The following ATG10 variants were observed in gnomAD, a reference collection of about 807,000 sequenced individuals.
ATG10 encodes the protein ubiquitin-like-conjugating enzyme ATG10.
A neutral mutation model predicts 32.1 loss-of-function variants in ATG10; 30 were observed. The ratio of observed to expected loss-of-function variants is 0.94; its 90% CI spans 0.70 to 1.27. The LOEUF (loss-of-function observed/expected upper bound fraction) is 1.27. Ranked by LOEUF, ATG10 falls within the 50% of genes most tolerant of loss-of-function variation. The pLI, the probability that ATG10 is intolerant of heterozygous loss-of-function variation, is 0.00. For missense variants in ATG10, 233 were observed against 262.3 expected, an observed-to-expected ratio of 0.89 and a Z score of 0.77; for synonymous variants, 87 against 91.5, an observed-to-expected ratio of 0.95 and a Z score of 0.28.
chr5:82,009,818 A>G, intron 2 of ATG10: 1 of 1,605,838 alleles, frequency 6.2e-7, no homozygotes, highest in Non-Finnish European at 8.5e-7. Context: ...CAGGACCTGT[A>G]TGCTTTAGGA....
intron 2 of ATG10, among the ~76,000 whole-genome samples, chr5:82,051,994 C>T (rs771589617): frequency 6.6e-6 from 1 of 152,102 alleles, no homozygotes; most frequent in Non-Finnish European, 1.5e-5. Flanking sequence ...GATCTGTGGC[C>T]TAGGTTTGAC....
chr5:82,088,591 T>C (rs1350154886), intron 3 of ATG10, among the ~76,000 whole-genome samples: 1 of 152,184 alleles, frequency 6.6e-6, no homozygotes, highest in Admixed American at 6.5e-5. Flanking sequence ...TAGGTGAGTC[T>C]CTTACCTCAT....
At chr5:82,049,473 C>T (rs919448532) in intron 2 of ATG10, among the ~76,000 whole-genome samples, 9 of 151,538 alleles carry the variant, frequency 5.9e-5, no homozygotes, top group Admixed American at 2.0e-4. Context: ...GTGGGTGCAG[C>T]GCACCAGCAT....
At chr5:82,087,390 A>G (rs2149789357) in intron 3 of ATG10, among the ~76,000 whole-genome samples, 1 of 152,260 alleles carries the variant, frequency 6.6e-6, no homozygotes, top group Non-Finnish European at 1.5e-5. Context: ...TAGGGGAATT[A>G]TTATTAATTG....
At chr5:81,999,775 A>G (rs770212287) in intron 2 of ATG10, among the ~76,000 whole-genome samples, 1 of 152,198 alleles carries the variant, frequency 6.6e-6, no homozygotes, top group African/African-American at 2.4e-5. Context: ...CACACAAGCT[A>G]GAAACCCTGC....
At chr5:82,246,070 C>T (rs1430795207) in intron 5 of ATG10, among the ~76,000 whole-genome samples, 3 of 119,322 alleles carry the variant, frequency 2.5e-5, no homozygotes, top group Admixed American at 1.1e-4. Flanking sequence ...TTAATACTGA[C>T]CTTTTTTTTT....
intron 2 of ATG10, among the ~76,000 whole-genome samples, chr5:82,004,912 C>G (rs1454930349): frequency 6.6e-6 from 1 of 152,170 alleles, no homozygotes; most frequent in Non-Finnish European, 1.5e-5. Flanking sequence ...ATTGAAAAAT[C>G]ACACTTGAGT....
intron 5 of ATG10, chr5:82,242,880 ATGGT>A: frequency 2.2e-6 from 1 of 446,722 alleles, no homozygotes; most frequent in Admixed American, 2.5e-5. Flanking sequence ...ATAGGGAAAA[ATGGT>A]AAGCAAAAAG....
At chr5:82,075,956 C>A (rs1047952258) in intron 3 of ATG10, among the ~76,000 whole-genome samples, 3 of 152,066 alleles carry the variant, frequency 2.0e-5, no homozygotes, top group African/African-American at 2.4e-5. Flanking sequence ...ACAACAACAA[C>A]AACAAAACAA....
At chr5:81,990,763 G>A (rs1378461703) in intron 2 of ATG10, among the ~76,000 whole-genome samples, 1 of 152,154 alleles carries the variant, frequency 6.6e-6, no homozygotes, top group Non-Finnish European at 1.5e-5. Context: ...AGATCAATAG[G>A]AAGACTGAGT....
chr5:82,032,932 A>G (rs1762784565), intron 2 of ATG10, among the ~76,000 whole-genome samples: 1 of 152,186 alleles, frequency 6.6e-6, no homozygotes, highest in Admixed American at 6.5e-5. Context: ...CGAAATTTAT[A>G]TGCCAGGAAA....
At chr5:81,993,380 T>TCC (rs1761547337) in intron 2 of ATG10, among the ~76,000 whole-genome samples, 1 of 81,920 alleles carries the variant, frequency 1.2e-5, no homozygotes, top group African/African-American at 5.8e-5. Context: ...TTTCTTTTCT[T>TCC]TTCTTTTCTT....
intron 5 of ATG10, among the ~76,000 whole-genome samples, chr5:82,192,291 A>G (rs1305568347): frequency 6.6e-6 from 1 of 152,218 alleles, no homozygotes; most frequent in Non-Finnish European, 1.5e-5. Flanking sequence ...TCAGTTCTGC[A>G]GGATTGCTTC....
chr5:82,090,817 A>C (rs1293953774), intron 3 of ATG10, among the ~76,000 whole-genome samples: 2 of 152,234 alleles, frequency 1.3e-5, no homozygotes, highest in African/African-American at 4.8e-5. Flanking sequence ...ATTATTTCTT[A>C]CAACACATGT....
chr5:82,070,747 C>G (rs745721855), intron 3 of ATG10, among the ~76,000 whole-genome samples: 4 of 152,134 alleles, frequency 2.6e-5, no homozygotes, highest in Non-Finnish European at 4.4e-5. Flanking sequence ...TCCCAATCCT[C>G]TTTTACAATC....
chr5:82,062,865 A>G (rs1457316810), intron 3 of ATG10, among the ~76,000 whole-genome samples: 2 of 152,166 alleles, frequency 1.3e-5, no homozygotes, highest in Non-Finnish European at 2.9e-5. Flanking sequence ...CATTTGAACT[A>G]CATATATAAT....
chr5:82,150,743 A>G (rs994760921), intron 3 of ATG10, among the ~76,000 whole-genome samples: 4 of 152,216 alleles, frequency 2.6e-5, no homozygotes, highest in African/African-American at 9.7e-5. Context: ...CTGTGTTCCA[A>G]AGGGTGCCAG....
chr5:82,142,904 A>G (rs1367858453), intron 3 of ATG10, among the ~76,000 whole-genome samples: 1 of 152,204 alleles, frequency 6.6e-6, no homozygotes, highest in Non-Finnish European at 1.5e-5. Context: ...TATTATGTAC[A>G]TGCCGTTGCT....
intron 5 of ATG10, among the ~76,000 whole-genome samples, chr5:82,220,324 G>A (rs1240391510): frequency 4.0e-5 from 6 of 151,616 alleles, no homozygotes; most frequent in South Asian, 2.1e-4. Context: ...GTGCAGTGGC[G>A]CAGTTTCGGC....
Sources: gnomAD v4.1 joint callset for allele counts (sites outside exome capture counted in the v4.1 genomes callset) on GRCh38, gnomAD v4.1.1 for gene constraint, MANE v1.5 for transcripts, NCBI Gene and HGNC (gene_info 2026-07-23, HGNC 2026-07-21) for gene names.